The following RASSF3 variants were observed in gnomAD, a reference collection of about 807,000 sequenced individuals.
RASSF3 encodes ras association domain-containing protein 3.
In RASSF3, 19 loss-of-function variants were observed where a neutral mutation model predicts 19.9. The observed-to-expected ratio is 0.96, with a 90% CI of 0.67 to 1.40. RASSF3 has a LOEUF of 1.40. Ranked by LOEUF, RASSF3 falls within the 40% of genes most tolerant of loss-of-function variation. RASSF3 has a pLI of 0.00. For synonymous variants in RASSF3, 110 were observed against 104.2 expected (o/e 1.06, Z -0.34); for missense variants, 306 against 289.8 (o/e 1.06, Z -0.41).
At chr12:64,559,969 G>C in intron 2 of RASSF3, among the ~76,000 whole-genome samples, 1 of 152,196 alleles carries the variant, frequency 6.6e-6, no homozygotes, top group East Asian at 1.9e-4. Context: ...TAGAGGAATT[G>C]GGGGCAGCTC....
chr12:64,685,929 G>A (rs1250521878), intron 2 of RASSF3, among the ~76,000 whole-genome samples: 1 of 152,200 alleles, frequency 6.6e-6, no homozygotes, highest in African/African-American at 2.4e-5. Context: ...CCGTCTCTCA[G>A]TCTGTTTACT....
chr12:64,684,729 C>T (rs1033165627), intron 1 of RASSF3, 58 bp from the exon 2 acceptor site: 11 of 1,199,762 alleles, frequency 9.2e-6, no homozygotes, highest in African/African-American at 3.0e-5. Context: ...CTGCGCCCGG[C>T]CTATCCGCAC....
At chr12:64,557,267 TG>T (rs1869271397) in intron 2 of RASSF3, among the ~76,000 whole-genome samples, 1 of 152,138 alleles carries the variant, frequency 6.6e-6, no homozygotes, top group African/African-American at 2.4e-5. Context: ...GTTTTGAGAC[TG>T]GGGGTTGCTC....
intron 1 of RASSF3, among the ~76,000 whole-genome samples, chr12:64,680,433 T>C (rs1176126602): frequency 6.6e-6 from 1 of 151,982 alleles, no homozygotes; most frequent in Non-Finnish European, 1.5e-5. Context: ...TGTCTGCTGC[T>C]GAGCCTGACT....
intron 1 of RASSF3, among the ~76,000 whole-genome samples, chr12:64,631,135 GGCACCA>G (rs1265374286): frequency 5.3e-5 from 8 of 152,298 alleles, no homozygotes; most frequent in Non-Finnish European, 1.2e-4. Context: ...GAAGCATGGG[GGCACCA>G]GCAGGTAAGA....
At chr12:64,645,681 G>T (rs1871705970) in intron 1 of RASSF3, among the ~76,000 whole-genome samples, 1 of 152,106 alleles carries the variant, frequency 6.6e-6, no homozygotes, top group Non-Finnish European at 1.5e-5. Context: ...TTTTACTCCT[G>T]AGGTTAAGAA....
upstream of RASSF3, among the ~76,000 whole-genome samples, chr12:64,531,253 A>G (rs1490569200): frequency 6.6e-6 from 1 of 152,212 alleles, no homozygotes; most frequent in Non-Finnish European, 1.5e-5. Context: ...AGTTGATTAA[A>G]TAATATGCAA....
At chr12:64,568,063 G>C (rs543622337) in intron 2 of RASSF3, among the ~76,000 whole-genome samples, 1 of 152,096 alleles carries the variant, frequency 6.6e-6, no homozygotes, top group Non-Finnish European at 1.5e-5. Flanking sequence ...ATGGAGTCTC[G>C]CTCTGTTGCC....
intron 1 of RASSF3, among the ~76,000 whole-genome samples, chr12:64,659,153 C>A (rs1331915217): frequency 1.3e-5 from 2 of 152,172 alleles, no homozygotes; most frequent in African/African-American, 4.8e-5. Context: ...ATTCCATGGT[C>A]CTGCCTGTGT....
At chr12:64,517,496 CT>C in intron 1 of RASSF3, among the ~76,000 whole-genome samples, 1 of 152,122 alleles carries the variant, frequency 6.6e-6, no homozygotes, top group East Asian at 1.9e-4. Context: ...TGAAATAGAC[CT>C]GGAGTTACTA....
intron 2 of RASSF3, among the ~76,000 whole-genome samples, chr12:64,568,973 G>A (rs1364116383): frequency 6.6e-6 from 1 of 152,218 alleles, no homozygotes; most frequent in Non-Finnish European, 1.5e-5. Context: ...GCCTCCCAAA[G>A]TGTTGGGATT....
intron 2 of RASSF3, among the ~76,000 whole-genome samples, chr12:64,561,715 C>CTTTT (rs4046189): frequency 0.44 from 56,298 of 126,956 alleles, 15,334 homozygotes; most frequent in Non-Finnish European, 0.59. Context: ...TAGCATTTAT[C>CTTTT]TTTTTTTTTT....
intron 1 of RASSF3, among the ~76,000 whole-genome samples, chr12:64,625,930 C>T (rs964341020): frequency 6.6e-6 from 1 of 152,160 alleles, no homozygotes; most frequent in Non-Finnish European, 1.5e-5. Context: ...TAGTATGAGT[C>T]TTGGAACCCG....
intron 1 of RASSF3, among the ~76,000 whole-genome samples, chr12:64,632,578 G>C (rs1022225432): frequency 1.3e-5 from 2 of 152,120 alleles, no homozygotes; most frequent in Admixed American, 6.6e-5. Flanking sequence ...GTGAGGGGAG[G>C]CAAGGAAGGA....
At position 64,690,250 on chromosome 12, in the gene RASSF3, C is replaced by T. The variant is rs187376052; in HGVS notation, c.458-1220C>T. Among the ~76,000 whole-genome samples, 362 of 151,926 alleles carry T rather than the reference C, an allele frequency of 2.4e-3. 3 individuals are homozygous for T. Among genetic ancestry groups the T allele is most frequent in the African/African-American group, 8.0e-3 (332 of 41,400 alleles). ...AGGCTGGTGTGCAGTGGCACAATCT[C>T]GGCTCACTGCAACCTCCGCCTCCTG... On this transcript the variant is annotated intron_variant, in intron 3 of 4. Coordinates refer to ENST00000542104, the MANE Select transcript of RASSF3 (RefSeq NM_178169.4).
chr12:64,597,147 T>C (rs2136143375), intron 2 of RASSF3, among the ~76,000 whole-genome samples: 1 of 152,152 alleles, frequency 6.6e-6, no homozygotes, highest in South Asian at 2.1e-4. Flanking sequence ...TTAATTTTTT[T>C]CCTGAGATGG....
chr12:64,521,101 G>T (rs898283362), intron 1 of RASSF3, among the ~76,000 whole-genome samples: 1 of 152,164 alleles, frequency 6.6e-6, no homozygotes, highest in Non-Finnish European at 1.5e-5. Context: ...GTCTGAAAGG[G>T]TGCAGAGACT....
At chr12:64,570,866 G>C (rs1869506731) in intron 2 of RASSF3, among the ~76,000 whole-genome samples, 1 of 152,172 alleles carries the variant, frequency 6.6e-6, no homozygotes. Flanking sequence ...GGACGAACTG[G>C]AGACACTTCT....
chr12:64,667,602 G>C (rs1267374570), intron 1 of RASSF3, among the ~76,000 whole-genome samples: 1 of 152,144 alleles, frequency 6.6e-6, no homozygotes, highest in Non-Finnish European at 1.5e-5. Context: ...GTTCAAAGAG[G>C]ACCAAATTTC....
Sources: allele counts gnomAD v4.1 joint callset (sites outside exome capture counted in the v4.1 genomes callset), GRCh38; gene constraint gnomAD v4.1.1; transcripts MANE v1.5; gene names NCBI Gene and HGNC (gene_info 2026-07-23, HGNC 2026-07-21).